The following NTRK2 variants were observed in gnomAD, a reference collection of about 807,000 sequenced individuals.
NTRK2 encodes BDNF/NT-3 growth factors receptor.
A neutral mutation model predicts 94.5 loss-of-function variants in NTRK2; 13 were observed. The observed-to-expected ratio is 0.14, with a 90% confidence interval of 0.09 to 0.22. NTRK2 has a LOEUF of 0.22. Among genes scored for constraint, NTRK2 ranks in the 10% least tolerant of loss-of-function variants. The pLI, the probability that NTRK2 is intolerant of heterozygous loss-of-function variation, is 1.00. For missense variants in NTRK2, 639 were observed against 1,071.2 expected (o/e 0.60, Z 5.63); for synonymous variants, 372 against 407.4 (o/e 0.91, Z 1.05).
intron 12 of NTRK2, among the ~76,000 whole-genome samples, chr9:84,788,936 T>C (rs1020656066): frequency 6.6e-6 from 1 of 152,184 alleles, no homozygotes; most frequent in African/African-American, 2.4e-5. Context: ...TAGCGCATCC[T>C]CTACTTTGGC....
At chr9:84,818,176 G>T (rs1587488610) in intron 12 of NTRK2, among the ~76,000 whole-genome samples, 1 of 152,270 alleles carries the variant, frequency 6.6e-6, no homozygotes, top group South Asian at 2.1e-4. Flanking sequence ...AGCCATGAGG[G>T]ACGTGCCTCA....
At chr9:84,969,943 T>C (rs184847687) in intron 17 of NTRK2, among the ~76,000 whole-genome samples, 2 of 152,260 alleles carry the variant, frequency 1.3e-5, no homozygotes, top group Admixed American at 1.3e-4. Flanking sequence ...CTCTAGAACA[T>C]TGGAAGCAGG....
At chr9:85,020,921 C>A (rs1037690064) in intron 18 of NTRK2, among the ~76,000 whole-genome samples, 3 of 152,148 alleles carry the variant, frequency 2.0e-5, no homozygotes, top group African/African-American at 7.2e-5. Flanking sequence ...TCAGTCAGTG[C>A]CTTAACACCC....
Position 85,026,129 on chromosome 9 carries a change from C to A in NTRK2, c.*4692C>A, listed in dbSNP as rs1192388120. On this transcript the variant is annotated 3_prime_UTR_variant, in exon 19 of 19. Transcript: ENST00000277120. Reference sequence around the variant, plus strand: ...CATTCAGCACAAACACAAAGCAAAGCAAAAAAAAAAATATATATATATATA... The same window carrying A: ...CATTCAGCACAAACACAAAGCAAAGAAAAAAAAAAAATATATATATATATA... 2 of 196,094 alleles carry A rather than the reference C, an allele frequency of 1.0e-5. No homozygotes were observed. Among genetic ancestry groups the A allele is most frequent in the African/African-American group, 2.4e-5 (1 of 42,148 alleles). The allele number at this position is 196,094 out of a possible 1,614,324, so 12.1% of individuals were successfully genotyped here.
chr9:84,793,485 G>C (rs1228965488), intron 12 of NTRK2, among the ~76,000 whole-genome samples: 2 of 152,190 alleles, frequency 1.3e-5, no homozygotes, highest in Admixed American at 6.5e-5. Flanking sequence ...TGGAGATAGT[G>C]AGTGTGGCCA....
At chr9:84,926,157 CCTTCCTTCCTTCCTTTCTTTCTTT>C (rs1564470973) in intron 14 of NTRK2, among the ~76,000 whole-genome samples, 1,288 of 79,440 alleles carry the variant, frequency 0.016, 4 homozygotes, top group Non-Finnish European at 0.02. Flanking sequence ...TTCCTTCCTT[CCTTCCTTCCTTCCTTTCTTTCTTT>C]CTTTCTTTCT....
chr9:84,730,740 C>CA (rs376667135), intron 9 of NTRK2, among the ~76,000 whole-genome samples: 263 of 14,888 alleles, frequency 0.018, 22 homozygotes, highest in African/African-American at 0.054. Context: ...GACTCCGTCT[C>CA]AAAAAAAAAA....
chr9:84,933,184 A>C (rs1197196081), intron 14 of NTRK2, among the ~76,000 whole-genome samples: 1 of 152,210 alleles, frequency 6.6e-6, no homozygotes, highest in African/African-American at 2.4e-5. Flanking sequence ...AGGAGTTCAG[A>C]AAATAATACC....
At chr9:84,968,365 A>G (rs1344574781) in intron 17 of NTRK2, among the ~76,000 whole-genome samples, 1 of 152,186 alleles carries the variant, frequency 6.6e-6, no homozygotes. Flanking sequence ...TAAAAGATCC[A>G]TCTAGGACAG....
intron 6 of NTRK2, among the ~76,000 whole-genome samples, chr9:84,713,395 A>C (rs939535743): frequency 2.6e-5 from 4 of 152,188 alleles, no homozygotes; most frequent in Non-Finnish European, 5.9e-5. Context: ...AATAAGGCAG[A>C]AAAAATATTT....
chr9:84,903,465 A>C (rs904444588), intron 14 of NTRK2, among the ~76,000 whole-genome samples: 4 of 152,216 alleles, frequency 2.6e-5, no homozygotes, highest in Non-Finnish European at 4.4e-5. Flanking sequence ...CATCTTTCCC[A>C]ATCTCCATGT....
At chr9:84,903,344 A>G (rs142547542) in intron 14 of NTRK2, among the ~76,000 whole-genome samples, 391 of 152,348 alleles carry the variant, frequency 2.6e-3, no homozygotes, top group African/African-American at 8.8e-3. Context: ...TGTTATGACC[A>G]TGAGGTGATC....
At chr9:84,818,732 G>A (rs745402164) in intron 12 of NTRK2, among the ~76,000 whole-genome samples, 7 of 152,164 alleles carry the variant, frequency 4.6e-5, no homozygotes, top group Non-Finnish European at 1.0e-4. Context: ...TTCTTTTGGA[G>A]TAGTCCCTAC....
intron 12 of NTRK2, among the ~76,000 whole-genome samples, chr9:84,757,058 C>T (rs986862475): frequency 6.6e-5 from 10 of 152,120 alleles, no homozygotes; most frequent in Non-Finnish European, 1.5e-4. Context: ...ATATTTGGAT[C>T]AACTTTTAAG....
chr9:84,842,850 G>C (rs537040576), intron 12 of NTRK2, among the ~76,000 whole-genome samples: 2 of 152,220 alleles, frequency 1.3e-5, no homozygotes, highest in Non-Finnish European at 1.5e-5. Flanking sequence ...ACCTTAGACT[G>C]GGGGAACCCA....
At chr9:84,710,815 G>A in intron 6 of NTRK2, 24 bp downstream of exon 6, 1 of 1,612,666 alleles carries the variant, frequency 6.2e-7, no homozygotes, top group Non-Finnish European at 8.5e-7. Context: ...AAATCAATGT[G>A]TTCTAGTTGC....
intron 13 of NTRK2, among the ~76,000 whole-genome samples, chr9:84,866,681 G>A (rs1298371270): frequency 6.6e-6 from 1 of 152,164 alleles, no homozygotes; most frequent in East Asian, 1.9e-4. Flanking sequence ...TCCTCAAAAT[G>A]TTAAATATAG....
chr9:84,858,135 A>G (rs2075153905), intron 12 of NTRK2, among the ~76,000 whole-genome samples: 2 of 151,808 alleles, frequency 1.3e-5, no homozygotes, highest in Admixed American at 1.3e-4. Context: ...GCCTGCAGTC[A>G]TCTCCTTTCT....
At chr9:84,813,978 G>T in intron 12 of NTRK2, 1 of 1,065,392 alleles carries the variant, frequency 9.4e-7, no homozygotes, top group Non-Finnish European at 1.1e-6. Context: ...CTGACTCTGT[G>T]ACGACAAAAG....
Sources: gnomAD v4.1 joint callset for allele counts (sites outside exome capture counted in the v4.1 genomes callset) on GRCh38, gnomAD v4.1.1 for gene constraint, MANE v1.5 for transcripts, NCBI Gene and HGNC (gene_info 2026-07-23, HGNC 2026-07-21) for gene names.